The following LHX8 variants were observed in gnomAD, a reference collection of about 807,000 sequenced individuals.
LHX8 encodes the protein LIM/homeobox protein Lhx8.
A neutral mutation model predicts 40.3 loss-of-function variants in LHX8; 12 were observed. The ratio of observed to expected loss-of-function variants is 0.30; its 90% CI spans 0.19 to 0.48. The LOEUF (loss-of-function observed/expected upper bound fraction) is 0.48, where lower values mean the gene tolerates loss of function less well. LHX8 is among the 20% of genes least tolerant of loss of function. The probability of loss-of-function intolerance (pLI) is 0.99; values close to 1 mark genes in which losing one functional copy is unlikely to be tolerated. For synonymous variants in LHX8, 179 were observed against 162.0 expected (o/e 1.10, Z -0.80); for missense variants, 344 against 433.7 (o/e 0.79, Z 1.84).
intron 8 of LHX8, among the ~76,000 whole-genome samples, chr1:75,157,655 A>G (rs1421313984): frequency 2.6e-5 from 4 of 152,150 alleles, no homozygotes; most frequent in Non-Finnish European, 5.9e-5. Context: ...ACCACCCTTT[A>G]GTTTTGCCCT....
At chr1:75,139,805 T>C (rs1239229194) in intron 3 of LHX8, among the ~76,000 whole-genome samples, 2 of 152,190 alleles carry the variant, frequency 1.3e-5, no homozygotes, top group Admixed American at 1.3e-4. Flanking sequence ...AACTTTCAGC[T>C]TCGAAGTACC....
At chr1:75,159,702 C>A (rs866891165) in intron 8 of LHX8, 3 of 152,074 alleles carry the variant, frequency 2.0e-5, no homozygotes, top group Non-Finnish European at 4.4e-5. Flanking sequence ...TCTTTCAAGT[C>A]ATGTCTTGTT....
At chr1:75,145,227 GC>G (rs1236210845) in intron 6 of LHX8, among the ~76,000 whole-genome samples, 1 of 152,080 alleles carries the variant, frequency 6.6e-6, no homozygotes, top group African/African-American at 2.4e-5. Flanking sequence ...ATCACACAAT[GC>G]CCTGTCAGAA....
At chr1:75,146,272 A>G (rs1648457575) in intron 6 of LHX8, among the ~76,000 whole-genome samples, 1 of 152,162 alleles carries the variant, frequency 6.6e-6, no homozygotes, top group Non-Finnish European at 1.5e-5. Context: ...AGGAGAGTTA[A>G]AATGGAAGGG....
rs5775273 is a variant in LHX8 at position 75,134,821 on chromosome 1, ATT to A, written c.-135_-134del. 0.26 allele frequency: 165,703 copies of A among 646,480 alleles called. 19,332 individuals carry two copies. The highest frequency in any genetic ancestry group is 0.34 in the African/African-American group (17,307 of 50,676). 40.0% of individuals were successfully genotyped at this position (646,480 alleles called of 1,614,324 possible). On this transcript the variant is annotated 5_prime_UTR_variant, in exon 1 of 9. Transcript: ENST00000356261. ...AACGGCCTCATCTTCAGACCTGGCA[ATT>A]TTTTTTTTTTATTACGTAGTAGCGT...
chr1:75,137,281 G>A lies in LHX8; in HGVS notation c.237+20G>A. ...CTCAAGGTAGGATAGGGCCTCGGGT[G>A]CGAGGCCCAAGGGGAGCGGGCTTAG... On this transcript the variant is annotated intron_variant, in intron 3 of 8. Transcript: ENST00000356261. 1 of 1,610,018 alleles carries A rather than the reference G, an allele frequency of 6.2e-7. No individual in the cohort carries two copies. Among genetic ancestry groups the A allele is most frequent in the Non-Finnish European group, 8.5e-7 (1 of 1,176,916 alleles).
At chr1:75,142,902 T>A (rs1266128878) in intron 4 of LHX8, among the ~76,000 whole-genome samples, 1 of 152,192 alleles carries the variant, frequency 6.6e-6, no homozygotes, top group Admixed American at 6.5e-5. Context: ...GAAAAGGTCT[T>A]ATTTTTATAA....
the LHX8 span, among the ~76,000 whole-genome samples, chr1:75,188,803 A>G: frequency 1.3e-5 from 2 of 152,184 alleles, no homozygotes; most frequent in South Asian, 2.1e-4. Flanking sequence ...TCATGAAAAC[A>G]TCTATGAAAA....
the LHX8 span, among the ~76,000 whole-genome samples, chr1:75,184,574 A>G: frequency 6.6e-6 from 1 of 152,220 alleles, no homozygotes; most frequent in Non-Finnish European, 1.5e-5. Context: ...ACGAAGGAGA[A>G]CAAAGATACA....
chr1:75,193,810 AT>A, the LHX8 span, among the ~76,000 whole-genome samples: 1 of 152,020 alleles, frequency 6.6e-6, no homozygotes, highest in Non-Finnish European at 1.5e-5. Flanking sequence ...TCCCCCTTTT[AT>A]TTGTGTTACT....
chr1:75,193,477 T>C, the LHX8 span, among the ~76,000 whole-genome samples: 1 of 152,212 alleles, frequency 6.6e-6, no homozygotes, highest in African/African-American at 2.4e-5. Context: ...TCCCAGATAA[T>C]GTAAAACTGC....
chr1:75,161,187 G>C lies in LHX8; in HGVS notation c.*292G>C, dbSNP rs977991666. 3.0e-6 allele frequency: 1 copy of C among 338,532 alleles called. No homozygotes were observed. The highest frequency in any genetic ancestry group is 4.5e-5 in the Admixed American group (1 of 22,032). The allele number at this position is 338,532 out of a possible 1,614,324, so 21.0% of individuals were successfully genotyped here. A position where few individuals can be genotyped will look rare whatever the true frequency, so the allele number is the denominator to read the frequency against. On this transcript the variant is annotated 3_prime_UTR_variant, in exon 9 of 9. Coordinates refer to ENST00000356261, the MANE Select transcript of LHX8 (RefSeq NM_001256114.2). ...TGTTAATTTATTTGTCATCAAAAGAGCACTTTGCCTAAAAGAAAGGACTGA... is the reference window on the plus strand; with the variant it reads ...TGTTAATTTATTTGTCATCAAAAGACCACTTTGCCTAAAAGAAAGGACTGA...
chr1:75,143,463 A>C (rs1648375406), intron 5 of LHX8, 125 bp downstream of exon 5: 1 of 675,050 alleles, frequency 1.5e-6, no homozygotes, highest in Admixed American at 2.8e-5. Flanking sequence ...AAACTCATTA[A>C]GTACTCTACT....
At chr1:75,137,614 C>A (rs942428264) in intron 3 of LHX8, among the ~76,000 whole-genome samples, 1 of 152,178 alleles carries the variant, frequency 6.6e-6, no homozygotes, top group Non-Finnish European at 1.5e-5. Flanking sequence ...TTTCACCCAG[C>A]CCCGAATTAT....
In LHX8 at chr1:75,137,158, C is replaced by T. The variant is rs1249851043; in HGVS notation, c.134C>T (p.Pro45Leu). The T allele has an allele frequency of 1.2e-6, 2 of 1,612,976 alleles. No homozygotes were observed. Among genetic ancestry groups the T allele is most frequent in the East Asian group, 2.2e-5 (1 of 44,838 alleles). ...TGCTCCTCCTCGGCCCCGCTGTCCC[C>T]GTCGTCCTCGCCCCGGTCCATGGCC... The part of the protein sequence containing the change: ...DSCSSSAPLS[P>L]SSSPRSMASG... The change falls in exon 3 of 9, where the codon CCG becomes CTG. Residue 45 changes from proline (P) to leucine (L), a missense_variant. Around this residue, in one of 3 missense-constraint regions of LHX8, gnomAD observed 108 missense variants for 90.1 expected, o/e 1.20. Transcript: ENST00000356261.
chr1:75,183,040 C>A, the LHX8 span: 10 of 152,128 alleles, frequency 6.6e-5, no homozygotes, highest in African/African-American at 2.4e-4. Context: ...CAAAACTTGG[C>A]TTATGTGCTC....
chr1:75,132,385 C>A (rs12565272), upstream of LHX8: 32,418 of 152,052 alleles, frequency 0.21, 4,659 homozygotes, highest in East Asian at 0.76. Context: ...AGGAGGGGTG[C>A]GCGCAGCTGC....
chr1:75,157,628 T>C (rs974872379), intron 8 of LHX8, among the ~76,000 whole-genome samples: 15 of 152,344 alleles, frequency 9.8e-5, no homozygotes, highest in African/African-American at 3.4e-4. Context: ...CAAAGTAACA[T>C]GGCACTGATT....
At position 75,136,695 on chromosome 1, in the gene LHX8, T is replaced by G; in HGVS notation, c.75+6T>G. On this transcript the variant is annotated splice_donor_region_variant and intron_variant, in intron 2 of 8. Coordinates refer to ENST00000356261, the MANE Select transcript of LHX8 (RefSeq NM_001256114.2). ...GCGCCGGGGAAGAGGGACTGGTGAG[T>G]GCGGAGGGGCTCGCGTGCTGGCAAG... 6.5e-7 allele frequency: 1 copy of G among 1,542,942 alleles called. No individual in the cohort carries two copies. The highest frequency in any genetic ancestry group is 1.2e-5 in the South Asian group (1 of 83,972).
Sources: allele counts gnomAD v4.1 joint callset (sites outside exome capture counted in the v4.1 genomes callset), GRCh38; gene constraint gnomAD v4.1.1; regional missense constraint gnomAD v4.1.1; transcripts MANE v1.5; gene names NCBI Gene and HGNC (gene_info 2026-07-23, HGNC 2026-07-21).